Variants in NRG3 observed in about 807,000 individuals in gnomAD.
NRG3 encodes the protein pro-neuregulin-3, membrane-bound isoform.
In NRG3, 31 loss-of-function variants were observed where a neutral mutation model predicts 66.9. That is an observed-to-expected ratio of 0.46 (90% confidence interval 0.35 to 0.63). The LOEUF is 0.63. Among genes scored for constraint, NRG3 ranks in the 20% least tolerant of loss-of-function variants. NRG3 has a pLI of 0.00. For missense variants in NRG3, 910 were observed against 878.9 expected, an observed-to-expected ratio of 1.04 and a Z score of -0.45; for synonymous variants, 393 against 359.4, an observed-to-expected ratio of 1.09 and a Z score of -1.06.
chr10:82,091,097 A>AT (rs1564552142), intron 1 of NRG3, among the ~76,000 whole-genome samples: 1 of 151,724 alleles, frequency 6.6e-6, no homozygotes, highest in Non-Finnish European at 1.5e-5. Context: ...GCAAAATTTT[A>AT]TTTTTTTCTC....
intron 2 of NRG3, among the ~76,000 whole-genome samples, chr10:82,680,636 A>G (rs1436765739): frequency 1.3e-5 from 2 of 152,210 alleles, no homozygotes; most frequent in Middle Eastern, 3.4e-3. Flanking sequence ...TTCTGTGTTT[A>G]TGAATCGCTG....
At chr10:82,315,370 T>A (rs1324746992) in intron 1 of NRG3, among the ~76,000 whole-genome samples, 1 of 152,188 alleles carries the variant, frequency 6.6e-6, no homozygotes, top group Non-Finnish European at 1.5e-5. Context: ...ATTTCAGTTT[T>A]CAAAATAGCC....
intron 2 of NRG3, among the ~76,000 whole-genome samples, chr10:82,485,354 T>A (rs1842599257): frequency 6.6e-6 from 1 of 151,758 alleles, no homozygotes; most frequent in South Asian, 2.1e-4. Flanking sequence ...TTGATAATGA[T>A]GTATGTTTGA....
intron 3 of NRG3, among the ~76,000 whole-genome samples, chr10:82,786,996 C>T (rs1427786270): frequency 6.6e-6 from 1 of 152,158 alleles, no homozygotes; most frequent in Non-Finnish European, 1.5e-5. Context: ...GCCTCCAGAA[C>T]TGTAATAAAT....
chr10:82,579,613 G>A (rs1052494491), intron 2 of NRG3, among the ~76,000 whole-genome samples: 3 of 151,916 alleles, frequency 2.0e-5, no homozygotes, highest in Admixed American at 6.6e-5. Context: ...TGTGTGCTCT[G>A]TGACATATGG....
intron 1 of NRG3, among the ~76,000 whole-genome samples, chr10:82,132,524 T>TATCATATATATATATCATATA (rs1564593958): frequency 4.8e-5 from 1 of 20,834 alleles, no homozygotes. Flanking sequence ...ATGATATATA[T>TATCATATATATATATCATATA]GATATATATA....
At chr10:82,277,092 T>C (rs2078890895) in intron 1 of NRG3, among the ~76,000 whole-genome samples, 1 of 152,104 alleles carries the variant, frequency 6.6e-6, no homozygotes, top group Non-Finnish European at 1.5e-5. Flanking sequence ...TGTTTTTTAC[T>C]TTCTTTCATG....
chr10:82,822,523 A>G (rs1043223444), intron 3 of NRG3, among the ~76,000 whole-genome samples: 2 of 152,112 alleles, frequency 1.3e-5, no homozygotes, highest in Non-Finnish European at 2.9e-5. Flanking sequence ...CTTGCTCTAC[A>G]CAATTGTTCT....
intron 1 of NRG3, among the ~76,000 whole-genome samples, chr10:81,911,210 A>G (rs1228227752): frequency 6.6e-6 from 1 of 152,184 alleles, no homozygotes; most frequent in Admixed American, 6.5e-5. Flanking sequence ...ATTTGGCCAA[A>G]TATTTGCAAA....
intron 1 of NRG3, among the ~76,000 whole-genome samples, chr10:82,247,392 TAGAAAG>T (rs1346839032): frequency 3.3e-5 from 5 of 152,160 alleles, no homozygotes; most frequent in Admixed American, 6.5e-5. Context: ...TGTCCCCTCT[TAGAAAG>T]AGAATAAGAG....
chr10:82,071,878 T>C (rs1462007388), intron 1 of NRG3, among the ~76,000 whole-genome samples: 1 of 152,200 alleles, frequency 6.6e-6, no homozygotes, highest in African/African-American at 2.4e-5. Context: ...TTGGTTGATA[T>C]ACTTGAAAAT....
intron 1 of NRG3, among the ~76,000 whole-genome samples, chr10:81,914,397 C>A (rs971494554): frequency 6.6e-6 from 1 of 151,940 alleles, no homozygotes; most frequent in Non-Finnish European, 1.5e-5. Flanking sequence ...TGCAGTGGGG[C>A]ATCTGATGGG....
intron 3 of NRG3, among the ~76,000 whole-genome samples, chr10:82,772,993 C>A (rs1397300836): frequency 6.6e-6 from 1 of 152,050 alleles, no homozygotes; most frequent in Admixed American, 6.6e-5. Flanking sequence ...TCATGAGCCA[C>A]CCTGCAGAGC....
intron 1 of NRG3, among the ~76,000 whole-genome samples, chr10:82,084,312 A>G (rs1005143666): frequency 1.3e-5 from 2 of 152,138 alleles, no homozygotes; most frequent in Non-Finnish European, 2.9e-5. Context: ...ATTTTTGCAT[A>G]TTACTTTTCA....
chr10:82,926,207 A>G (rs997194309), intron 4 of NRG3, among the ~76,000 whole-genome samples: 1 of 152,252 alleles, frequency 6.6e-6, no homozygotes, highest in African/African-American at 2.4e-5. Context: ...AGTGATGTGT[A>G]GGCATTGTAT....
At chr10:82,294,779 A>G (rs2079964049) in intron 1 of NRG3, among the ~76,000 whole-genome samples, 1 of 152,106 alleles carries the variant, frequency 6.6e-6, no homozygotes, top group Non-Finnish European at 1.5e-5. Context: ...ATCTGAATTC[A>G]TCATGCATAA....
intron 1 of NRG3, among the ~76,000 whole-genome samples, chr10:82,324,019 C>T (rs1325393934): frequency 6.6e-6 from 1 of 152,068 alleles, no homozygotes; most frequent in African/African-American, 2.4e-5. Flanking sequence ...CGCCTGTGAC[C>T]ACACCCAGCT....
In NRG3 at chr10:82,443,996, G is replaced by A. The variant is rs1379483497; in HGVS notation, c.953+85128G>A. On this transcript the variant is annotated intron_variant, in intron 2 of 8. Transcript: ENST00000372141. ...ATAATTTGCACTTTTCTATATCAAA[G>A]TATCCCAGCTAATAAATGAAAGAAG... 3.9e-5 allele frequency among the ~76,000 whole-genome samples: 6 copies of A among 152,282 alleles called. No individual in the cohort carries two copies. The East Asian group carries it at 9.7e-4, about 24-fold the overall frequency.
intron 2 of NRG3, among the ~76,000 whole-genome samples, chr10:82,360,713 G>A (rs534623873): frequency 1.3e-5 from 2 of 152,140 alleles, no homozygotes; most frequent in Non-Finnish European, 1.5e-5. Flanking sequence ...TCACAGTCCC[G>A]GAGGTCAGAA....
Sources: allele counts gnomAD v4.1 joint callset (sites outside exome capture counted in the v4.1 genomes callset), GRCh38; gene constraint gnomAD v4.1.1; transcripts MANE v1.5; gene names NCBI Gene and HGNC (gene_info 2026-07-23, HGNC 2026-07-21).